Variants in SPEN observed in about 807,000 individuals in gnomAD.
SPEN encodes the protein spen family transcriptional repressor.
Under a neutral mutation model 269.9 loss-of-function variants are expected in SPEN, and 18 were observed. The ratio of observed to expected loss-of-function variants is 0.07; its 90% CI spans 0.05 to 0.10. The LOEUF is 0.10. Among genes scored for constraint, SPEN ranks in the 10% least tolerant of loss-of-function variants. The pLI is 1.00. For missense variants in SPEN, 3,822 were observed against 4,631.2 expected (o/e 0.83, Z 5.07); for synonymous variants, 1,726 against 1,765.7 (o/e 0.98, Z 0.56).
chr1:15,867,851 G>C (rs916717835), intron 1 of SPEN, among the ~76,000 whole-genome samples: 2 of 151,132 alleles, frequency 1.3e-5, no homozygotes, highest in African/African-American at 4.9e-5. Context: ...ATCTCTCTCT[G>C]TATCCGTATA....
intron 2 of SPEN, chr1:15,874,057 T>C (rs1240326466): frequency 7.7e-6 from 10 of 1,293,426 alleles, no homozygotes; most frequent in Admixed American, 2.5e-5. Context: ...GTTGGAATTG[T>C]AGAGGATATT....
At position 15,919,457 on chromosome 1, in the gene SPEN, T is replaced by A. The variant is rs910602531; in HGVS notation, c.1575T>A (p.Ser525=). The change falls in exon 8 of 15, where the codon TCT becomes TCA. Residue 525 remains serine (S), a synonymous_variant. Transcript: ENST00000375759. ...ACTGCGTGTGGCTAGATGGGCTTTC[T>A]TCGAATGTGTCAGATCAGTATTTAA... ...PTNCVWLDGL[S]SNVSDQYLTR... is the part of the protein sequence containing the mutation. 1 of 1,609,200 alleles carries A rather than the reference T, an allele frequency of 6.2e-7. No homozygotes were observed. The highest frequency in any genetic ancestry group is 1.1e-5 in the South Asian group (1 of 89,882).
intron 1 of SPEN, among the ~76,000 whole-genome samples, chr1:15,849,531 T>C (rs1362542513): frequency 6.6e-6 from 1 of 151,580 alleles, no homozygotes; most frequent in Non-Finnish European, 1.5e-5. Flanking sequence ...ATAACCTGCT[T>C]GAGCTGTCCT....
chr1:15,890,495 G>C (rs569368092), intron 3 of SPEN, among the ~76,000 whole-genome samples: 1 of 150,824 alleles, frequency 6.6e-6, no homozygotes, highest in African/African-American at 2.4e-5. Context: ...CTCCCAAAGT[G>C]CTGGGATTAT....
rs761093715 is a variant in SPEN at position 15,935,130 on chromosome 1, G to A, written c.8890G>A (p.Val2964Ile). 3.7e-6 allele frequency: 6 copies of A among 1,613,798 alleles called. No individual in the cohort carries two copies. The highest frequency in any genetic ancestry group is 2.2e-5 in the East Asian group (1 of 44,860). The change falls in exon 11 of 15, where the codon GTC becomes ATC. Residue 2964 changes from valine (V) to isoleucine (I), a missense_variant. Around this residue, in one of 16 missense-constraint regions of SPEN, gnomAD observed 20 missense variants for 60.7 expected, o/e 0.33. Coordinates refer to ENST00000375759, the MANE Select transcript of SPEN (RefSeq NM_015001.3). This position sits in a 1 kb window ranked among gnomAD's most constrained non-coding sequence, Gnocchi z 7.7. Reference protein sequence around the residue: ...VTTNKKLADPVTLKIETKVLQ... With the variant: ...VTTNKKLADPITLKIETKVLQ... Reference sequence around the variant, plus strand: ...CACAAACAAGAAGCTTGCTGACCCCGTCACCCTTAAAATCGAGACCAAGGT... The same window carrying A: ...CACAAACAAGAAGCTTGCTGACCCCATCACCCTTAAAATCGAGACCAAGGT...
At chr1:15,905,869 G>A (rs1015892636) in intron 3 of SPEN, among the ~76,000 whole-genome samples, 3 of 152,120 alleles carry the variant, frequency 2.0e-5, no homozygotes, top group Non-Finnish European at 4.4e-5. Flanking sequence ...TACCGTGCTC[G>A]GCCCTTGTTA....
In SPEN at chr1:15,931,129, A is replaced by T; in HGVS notation, c.4889A>T (p.Glu1630Val). The stretch of plus-strand genomic sequence containing the variant: ...TCTGCTCCTGAGAATAAAGATTCAG[A>T]ACTGAAAACTCCACCTTCCGTTGGG... Reference protein sequence around the residue: ...PESAPENKDSELKTPPSVGPP... With the variant: ...PESAPENKDSVLKTPPSVGPP... The change falls in exon 11 of 15, where the codon GAA becomes GTA. Residue 1630 changes from glutamate (E) to valine (V), a missense_variant. By Grantham distance (121) the Glu-to-Val change is moderately radical. Around this residue, in one of 16 missense-constraint regions of SPEN, gnomAD observed 533 missense variants for 618.8 expected, o/e 0.86. Coordinates refer to ENST00000375759, the MANE Select transcript of SPEN (RefSeq NM_015001.3). This position sits in a 1 kb window ranked among gnomAD's most constrained non-coding sequence, Gnocchi z 4.8. 6.2e-7 allele frequency: 1 copy of T among 1,614,240 alleles called. No homozygotes were observed. Among genetic ancestry groups the T allele is most frequent in the East Asian group, 2.2e-5 (1 of 44,886 alleles).
In SPEN at chr1:15,936,277, C is replaced by T; in HGVS notation, c.10026+11C>T. The T allele has an allele frequency of 6.5e-7, 1 of 1,528,272 alleles. No individual in the cohort carries two copies. Among genetic ancestry groups the T allele is most frequent in the Non-Finnish European group, 8.8e-7 (1 of 1,130,800 alleles). 94.7% of individuals were successfully genotyped at this position (1,528,272 alleles called of 1,614,324 possible). ...AAGACAGCTGCTCAGGTGAGCCAGC[C>T]AGGTATCTCCCCACTGTCTGTTGGG... On this transcript the variant is annotated intron_variant, in intron 11 of 14. Transcript: ENST00000375759.
At chr1:15,882,528 T>TGGGC (rs2070696517) in intron 3 of SPEN, among the ~76,000 whole-genome samples, 1 of 152,006 alleles carries the variant, frequency 6.6e-6, no homozygotes, top group East Asian at 1.9e-4. Context: ...GGTGTAGTGG[T>TGGGC]GGGCGCCTGT....
chr1:15,898,169 A>G (rs576752086), intron 3 of SPEN, among the ~76,000 whole-genome samples: 29 of 128,444 alleles, frequency 2.3e-4, no homozygotes, highest in African/African-American at 9.7e-4. Context: ...TTCTTAATTT[A>G]TCTTTGTGTG....
At position 15,849,622 on chromosome 1, in the gene SPEN, G is replaced by C. The variant is rs138376445; in HGVS notation, c.83+1472G>C. On this transcript the variant is annotated intron_variant, in intron 1 of 14. Coordinates refer to ENST00000375759, the MANE Select transcript of SPEN (RefSeq NM_015001.3). ...CGTGCCTGAGAAACCAGGCGGGGGCGGGGGGAGGCAGGGAGCAAAAATTCA... is the reference window on the plus strand; with the variant it reads ...CGTGCCTGAGAAACCAGGCGGGGGCCGGGGGAGGCAGGGAGCAAAAATTCA... 7.4e-3 allele frequency among the ~76,000 whole-genome samples: 1,132 copies of C among 152,090 alleles called. 15 individuals carry two copies. Among genetic ancestry groups the C allele is most frequent in the African/African-American group, 0.025 (1,049 of 41,484 alleles).
chr1:15,869,840 G>T (rs2070555146), intron 1 of SPEN, among the ~76,000 whole-genome samples: 1 of 150,860 alleles, frequency 6.6e-6, no homozygotes, highest in Non-Finnish European at 1.5e-5. Context: ...GTGTTTATTT[G>T]CTCTTTGCTT....
chr1:15,860,680 G>A (rs2070439361), intron 1 of SPEN, among the ~76,000 whole-genome samples: 1 of 151,070 alleles, frequency 6.6e-6, no homozygotes, highest in African/African-American at 2.4e-5. Flanking sequence ...TTGGCTCATT[G>A]CAACCTCCAC....
chr1:15,854,104 T>G (rs1013260668), intron 1 of SPEN, among the ~76,000 whole-genome samples: 11 of 152,150 alleles, frequency 7.2e-5, no homozygotes, highest in Admixed American at 3.3e-4. Context: ...CCCGGCCTGC[T>G]TGCTTTTATT....
chr1:15,911,927 C>CTCCA (rs2071016051), intron 5 of SPEN, among the ~76,000 whole-genome samples: 1 of 152,170 alleles, frequency 6.6e-6, no homozygotes. Context: ...CACCACTGCA[C>CTCCA]TCCAGCCTGG....
chr1:15,930,602 C>T lies in SPEN; in HGVS notation c.4362C>T (p.Leu1454=). 4 of 1,614,176 alleles carry T rather than the reference C, an allele frequency of 2.5e-6. No individual in the cohort carries two copies. The highest frequency in any genetic ancestry group is 1.1e-5 in the South Asian group (1 of 91,072). ...CTTTGCTTGAAAGAGCTAAATCCCTCTCTTCATCTCGTGAAGAAAATTGGT... is the reference window on the plus strand; with the variant it reads ...CTTTGCTTGAAAGAGCTAAATCCCTTTCTTCATCTCGTGAAGAAAATTGGT... ...TKALLERAKS[L]SSSREENWSF... The change falls in exon 11 of 15, where the codon CTC becomes CTT. Residue 1454 remains leucine, a synonymous_variant. Transcript: ENST00000375759. This position sits in a 1 kb window ranked among gnomAD's most constrained non-coding sequence, Gnocchi z 5.3.
intron 3 of SPEN, among the ~76,000 whole-genome samples, chr1:15,907,351 G>A (rs1479019879): frequency 6.6e-6 from 1 of 152,006 alleles, no homozygotes; most frequent in African/African-American, 2.4e-5. Context: ...GCATGGTGGT[G>A]CGTGCCTGTA....
chr1:15,936,608 C>T (rs2071277727), intron 11 of SPEN, among the ~76,000 whole-genome samples: 1 of 148,962 alleles, frequency 6.7e-6, no homozygotes, highest in Non-Finnish European at 1.5e-5. Context: ...AAGGTCGTGC[C>T]ACTAGGCTCC....
chr1:15,876,925 G>C (rs973199341), intron 3 of SPEN, among the ~76,000 whole-genome samples: 1 of 152,200 alleles, frequency 6.6e-6, no homozygotes, highest in Non-Finnish European at 1.5e-5. Context: ...TGATCAAAGT[G>C]GAAGGGAGGT....
Sources: allele counts gnomAD v4.1 joint callset (sites outside exome capture counted in the v4.1 genomes callset), GRCh38; gene constraint gnomAD v4.1.1; regional missense constraint gnomAD v4.1.1; non-coding constraint Gnocchi (gnomAD v3.1); transcripts MANE v1.5; gene names NCBI Gene and HGNC (gene_info 2026-07-23, HGNC 2026-07-21).